DUT: variants seen among roughly 807,000 people sequenced by gnomAD.
DUT encodes deoxyuridine triphosphatase.
DUT carries 21 observed loss-of-function variants against 28.8 expected under a neutral mutation model. That is an observed-to-expected ratio of 0.73 (90% CI 0.52 to 1.05). The LOEUF (loss-of-function observed/expected upper bound fraction) is 1.05, where lower values mean the gene tolerates loss of function less well. Ranked by LOEUF, DUT falls within the 50% of genes least tolerant of loss-of-function variation. The probability of loss-of-function intolerance (pLI) is 0.00; values close to 1 mark genes in which losing one functional copy is unlikely to be tolerated. For synonymous variants in DUT, 147 were observed against 143.7 expected, an observed-to-expected ratio of 1.02 and a Z score of -0.17; for missense variants, 344 against 351.8, an observed-to-expected ratio of 0.98 and a Z score of 0.18.
intron 3 of DUT, among the ~76,000 whole-genome samples, 174 bp from the exon 4 acceptor site, chr15:48,335,872 T>C (rs1481844658): frequency 1.3e-5 from 2 of 152,234 alleles, no homozygotes; most frequent in Non-Finnish European, 2.9e-5. Context: ...TCTTTCCAAC[T>C]TTGGTAATGC....
At chr15:48,338,178 C>T (rs934480332) in intron 4 of DUT, among the ~76,000 whole-genome samples, 1 of 151,330 alleles carries the variant, frequency 6.6e-6, no homozygotes, top group Non-Finnish European at 1.5e-5. Flanking sequence ...ATTTTTATAC[C>T]GTCAACATTC....
chr15:48,332,206 TCTC>T, intron 1 of DUT, 59 bp from the exon 2 acceptor site: 2 of 1,524,438 alleles, frequency 1.3e-6, no homozygotes, highest in Non-Finnish European at 1.8e-6. Flanking sequence ...CATCGTGCGC[TCTC>T]CTCTTCCCCC....
intron 2 of DUT, chr15:48,332,714 G>T: frequency 1.7e-6 from 1 of 585,944 alleles, no homozygotes; most frequent in Non-Finnish European, 3.2e-6. Flanking sequence ...CGAGGGTGAT[G>T]CTGTGCTCAA....
rs1203999125 is a variant in DUT, at chr15:48,342,815, T to C, written c.*737T>C. 1 of 152,214 alleles carries C rather than the reference T, an allele frequency of 6.6e-6. No individual in the cohort carries two copies. Among genetic ancestry groups the C allele is most frequent in the Non-Finnish European group, 1.5e-5 (1 of 68,026 alleles). 9.4% of individuals were successfully genotyped at this position (152,214 alleles called of 1,614,324 possible). A position where few individuals can be genotyped will look rare whatever the true frequency, so the allele number is the denominator to read the frequency against. On this transcript the variant is annotated 3_prime_UTR_variant, in exon 7 of 7. Coordinates refer to ENST00000331200, the MANE Select transcript of DUT (RefSeq NM_001025248.2). ...ATTGTACTAGTTGTAGTTACGAGTT[T>C]TCCCTCAGTGAAGTAGCAATAGGCT... is the stretch of plus-strand genomic sequence containing the variant.
At position 48,342,048 on chromosome 15, in the gene DUT, A is replaced by T; in HGVS notation, c.729A>T (p.Ser243=). Residue 243 remains serine, a synonymous_variant, in exon 7 of 7, where the codon TCA becomes TCT. Coordinates refer to ENST00000331200, the MANE Select transcript of DUT (RefSeq NM_001025248.2). ...VQALDDTERG[S]GGFGSTGKN ...CCTTGGATGACACCGAAAGGGGTTC[A>T]GGAGGTTTTGGTTCCACTGGAAAGA... 3.8e-6 allele frequency: 6 copies of T among 1,583,384 alleles called. No individual in the cohort carries two copies. The highest frequency in any genetic ancestry group is 5.1e-6 in the Non-Finnish European group (6 of 1,168,448).
At chr15:48,332,174 G>C (rs964304600) in intron 1 of DUT, 94 bp from the exon 2 acceptor site, 1 of 1,461,856 alleles carries the variant, frequency 6.8e-7, no homozygotes, top group African/African-American at 1.5e-5. Context: ...TTCGGTTTTG[G>C]CGCGCTCCCT....
At chr15:48,333,340 A>G (rs1452879891) in intron 2 of DUT, among the ~76,000 whole-genome samples, 1 of 152,192 alleles carries the variant, frequency 6.6e-6, no homozygotes, top group Non-Finnish European at 1.5e-5. Flanking sequence ...CTTAATTTTG[A>G]TGAATAAAAG....
rs1340621490 is a variant in DUT at position 48,332,799 on chromosome 15, TAAA to T, written c.419+396_419+398del. 27 of 475,632 alleles carry T rather than the reference TAAA, an allele frequency of 5.7e-5. No individual in the cohort carries two copies. In the East Asian group the frequency reaches 1.0e-3, roughly 18 times the overall value. The allele number at this position is 475,632 out of a possible 1,614,324, so 29.5% of individuals were successfully genotyped here. A position where few individuals can be genotyped will look rare whatever the true frequency, so the allele number is the denominator to read the frequency against. On this transcript the variant is annotated intron_variant, in intron 2 of 6. Transcript: ENST00000331200. ...AGGATGAACGAAGATGCATCTGCCT[TAAA>T]AAGTTATTTTCTATACATTCATCCG... is the stretch of plus-strand genomic sequence containing the variant.
At chr15:48,334,121 C>T (rs1277217616) in intron 2 of DUT, among the ~76,000 whole-genome samples, 1 of 152,098 alleles carries the variant, frequency 6.6e-6, no homozygotes, top group Non-Finnish European at 1.5e-5. Context: ...TTCCAATAAA[C>T]TTTTGTTCAG....
rs888340233 is a variant in DUT, at chr15:48,334,407, A to G, written c.420-10A>G. ...AGATTTGCAGTTATTTTCTTTCAAT[A>G]TTTTCTTAGTGCCTATGATTACACA... On this transcript the variant is annotated splice_polypyrimidine_tract_variant and intron_variant, in intron 2 of 6. Transcript: ENST00000331200. 4.6e-6 allele frequency: 7 copies of G among 1,518,624 alleles called. No homozygotes were observed. The highest frequency in any genetic ancestry group is 6.2e-6 in the Non-Finnish European group (7 of 1,122,318). The allele number at this position is 1,518,624 out of a possible 1,614,324, so 94.1% of individuals were successfully genotyped here. A position where few individuals can be genotyped will look rare whatever the true frequency, so the allele number is the denominator to read the frequency against.
rs2042561782 is a variant in DUT, at chr15:48,343,314, G to C, written c.*1236G>C. 6.6e-6 allele frequency: 1 copy of C among 152,250 alleles called. No homozygotes were observed. The highest frequency in any genetic ancestry group is 1.9e-4 in the East Asian group (1 of 5,188). The allele number at this position is 152,250 out of a possible 1,614,324, so 9.4% of individuals were successfully genotyped here. On this transcript the variant is annotated 3_prime_UTR_variant, in exon 7 of 7. Coordinates refer to ENST00000331200, the MANE Select transcript of DUT (RefSeq NM_001025248.2). ...ACATAGCCAGCATTTTTGCATACCAGGTTGGGCTATAAAATATTTCTGTTG... is the reference window on the plus strand; with the variant it reads ...ACATAGCCAGCATTTTTGCATACCACGTTGGGCTATAAAATATTTCTGTTG...
At chr15:48,337,881 C>T (rs1304931133) in intron 4 of DUT, among the ~76,000 whole-genome samples, 1 of 152,172 alleles carries the variant, frequency 6.6e-6, no homozygotes, top group Non-Finnish European at 1.5e-5. Flanking sequence ...AAAAGTTGAG[C>T]ATTCAGGATT....
chr15:48,337,955 GACA>G (rs2042492294), intron 4 of DUT, among the ~76,000 whole-genome samples: 1 of 152,182 alleles, frequency 6.6e-6, no homozygotes, highest in Non-Finnish European at 1.5e-5. Context: ...TCCAACAAAT[GACA>G]TGCCAAACTC....
chr15:48,338,545 C>T (rs55742823), intron 4 of DUT, among the ~76,000 whole-genome samples: 1 of 152,082 alleles, frequency 6.6e-6, no homozygotes, highest in African/African-American at 2.4e-5. Flanking sequence ...GGAAAAAAAT[C>T]CAGCCTCACT....
intron 4 of DUT, among the ~76,000 whole-genome samples, chr15:48,337,858 A>C (rs1007154429): frequency 7.2e-5 from 11 of 152,228 alleles, no homozygotes; most frequent in Non-Finnish European, 1.5e-4. Flanking sequence ...GGCTCTAAAT[A>C]AGGGTCAAAG....
intron 4 of DUT, among the ~76,000 whole-genome samples, chr15:48,336,884 A>G (rs1236242614): frequency 6.6e-6 from 1 of 152,178 alleles, no homozygotes; most frequent in Non-Finnish European, 1.5e-5. Flanking sequence ...GCCCACATGG[A>G]TATGTGGTAA....
chr15:48,340,320 G>T (rs778054774), intron 4 of DUT: 1 of 152,048 alleles, frequency 6.6e-6, no homozygotes, highest in Non-Finnish European at 1.5e-5. Context: ...TAAGGTAGGG[G>T]ATTTTTGGAG....
rs200574294 is a variant in DUT, at chr15:48,331,510, G to T, written c.-6G>T. 620 of 1,611,628 alleles carry T rather than the reference G, an allele frequency of 3.8e-4. No homozygotes were observed. The highest frequency in any genetic ancestry group is 4.2e-4 in the East Asian group (19 of 44,782). ...GAGGACCCAACCAGCCCAAACTCTG[G>T]GGGAAATGACTCCCCTCTGCCCTCG... On this transcript the variant is annotated 5_prime_UTR_variant, in exon 1 of 7. Coordinates refer to ENST00000331200, the MANE Select transcript of DUT (RefSeq NM_001025248.2).
At chr15:48,335,539 G>A (rs2042466492) in intron 3 of DUT, among the ~76,000 whole-genome samples, 1 of 152,106 alleles carries the variant, frequency 6.6e-6, no homozygotes, top group South Asian at 2.1e-4. Flanking sequence ...GCTATGGTCT[G>A]CTACTATTTG....
Sources: gnomAD v4.1 joint callset for allele counts (sites outside exome capture counted in the v4.1 genomes callset) on GRCh38, gnomAD v4.1.1 for gene constraint, MANE v1.5 for transcripts, NCBI Gene and HGNC (gene_info 2026-07-23, HGNC 2026-07-21) for gene names.